The following ALDH8A1 variants were observed in gnomAD, a reference collection of about 807,000 sequenced individuals.
ALDH8A1 encodes aldehyde dehydrogenase 8 family member A1.
ALDH8A1 carries 39 observed loss-of-function variants against 43.3 expected under a neutral mutation model. The ratio of observed to expected loss-of-function variants is 0.90; its 90% CI spans 0.70 to 1.18. ALDH8A1 has a LOEUF of 1.18. Ranked by LOEUF, ALDH8A1 falls within the 50% of genes most tolerant of loss-of-function variation. The pLI is 0.00. For missense variants in ALDH8A1, 605 were observed against 622.6 expected (o/e 0.97, Z 0.30); for synonymous variants, 233 against 243.5 (o/e 0.96, Z 0.40).
rs1773909072 is a variant in ALDH8A1 at position 134,944,026 on chromosome 6, C to A, written c.139-60G>T. ...AAGCTGTTAGTCCTTGGGGGATGGA[C>A]AAAACCAGAATCCTCAGGTCTCCAC... On this transcript the variant is annotated intron_variant, in intron 1 of 6. Transcript: ENST00000265605. The A allele has an allele frequency of 5.2e-6, 8 of 1,546,186 alleles. No individual in the cohort carries two copies. In the South Asian group the frequency reaches 9.8e-5, roughly 19 times the overall value.
At position 134,929,064 on chromosome 6, in the gene ALDH8A1, T is replaced by C. The variant is rs778959002; in HGVS notation, c.1001A>G (p.His334Arg). The change falls in exon 6 of 7, where the codon CAT becomes CGT. Residue 334 changes from histidine to arginine, a missense_variant. Physicochemically the swap from His to Arg is conservative, Grantham distance 29. Transcript: ENST00000265605. ...CAGAAATTTACTTACTTTCTCCAAATGTGCTTTACTTATCAGAGCACCTAT... is the reference window on the plus strand; with the variant it reads ...CAGAAATTTACTTACTTTCTCCAAACGTGCTTTACTTATCAGAGCACCTAT... Reference protein sequence around the residue: ...VSIGALISKAHLEKVRSYVKR... With the variant: ...VSIGALISKARLEKVRSYVKR... 14 of 1,612,912 alleles carry C rather than the reference T, an allele frequency of 8.7e-6. No homozygotes were observed. In the South Asian group the frequency reaches 1.5e-4, roughly 18 times the overall value.
At chr6:134,944,024 G>C in intron 1 of ALDH8A1, 58 bp from the exon 2 acceptor site, 1 of 1,546,448 alleles carries the variant, frequency 6.5e-7, no homozygotes. Context: ...TTGGGGGATG[G>C]ACAAAACCAG....
At chr6:134,926,903 C>T (rs1776892870) in intron 6 of ALDH8A1, among the ~76,000 whole-genome samples, 2 of 152,090 alleles carry the variant, frequency 1.3e-5, no homozygotes, top group African/African-American at 2.4e-5. Flanking sequence ...CCACTTGTCA[C>T]ATAATAGGAA....
Position 134,949,896 on chromosome 6 carries a change from CT to C in ALDH8A1, c.138+19del. On this transcript the variant is annotated intron_variant, in intron 1 of 6. Transcript: ENST00000265605. ...AACATATTAAACACATTTCAGTCTT[CT>C]TTAAGTGCATATACTCACCTCGTCT... 2.6e-6 allele frequency: 4 copies of C among 1,547,564 alleles called. No homozygotes were observed. Among genetic ancestry groups the C allele is most frequent in the Non-Finnish European group, 3.5e-6 (4 of 1,145,410 alleles).
rs75569457 is a variant in ALDH8A1 at position 134,948,765 on chromosome 6, G to A, written c.138+1151C>T. Among the ~76,000 whole-genome samples the A allele has an allele frequency of 7.5e-3, 1,136 of 152,256 alleles. 18 individuals carry two copies. Among genetic ancestry groups the A allele is most frequent in the African/African-American group, 0.026 (1,078 of 41,542 alleles). On this transcript the variant is annotated intron_variant, in intron 1 of 6. Transcript: ENST00000265605. ...CATATCTATTACTCTACTAGCTAGCGCATCCATAGCTCATTCTATTTTCTA... is the reference window on the plus strand; with the variant it reads ...CATATCTATTACTCTACTAGCTAGCACATCCATAGCTCATTCTATTTTCTA...
Position 134,939,299 on chromosome 6 carries a change from C to G in ALDH8A1, c.559G>C (p.Ala187Pro), listed in dbSNP as rs138635600. Reference sequence around the variant, plus strand: ...TCCAGGAGTTTGCACAACATCCACGCAGTCACTGAAGTCAGCTCACTGGGC... The same window carrying G: ...TCCAGGAGTTTGCACAACATCCACGGAGTCACTGAAGTCAGCTCACTGGGC... ...AKPSELTSVT[A>P]WMLCKLLDKA... is the part of the protein sequence containing the mutation. Residue 187 changes from alanine to proline, a missense_variant, in exon 4 of 7, where the codon GCG (alanine) becomes CCG (proline). Physicochemically the swap from Ala to Pro is conservative, Grantham distance 27. Coordinates refer to ENST00000265605, the MANE Select transcript of ALDH8A1 (RefSeq NM_022568.4). 1.9e-6 allele frequency: 3 copies of G among 1,614,242 alleles called. No individual in the cohort carries two copies. Among genetic ancestry groups the G allele is most frequent in the Non-Finnish European group, 2.5e-6 (3 of 1,180,040 alleles).
chr6:134,923,339 T>TA (rs60780465), intron 6 of ALDH8A1, among the ~76,000 whole-genome samples: 6,274 of 148,200 alleles, frequency 0.042, 400 homozygotes, highest in African/African-American at 0.14. Context: ...GAAGGTTTAT[T>TA]AAAAAAAAAA....
intron 2 of ALDH8A1, 112 bp from the exon 3 acceptor site, chr6:134,942,676 G>C (rs1052789430): frequency 3.5e-5 from 39 of 1,099,146 alleles, no homozygotes; most frequent in Non-Finnish European, 4.2e-5. Flanking sequence ...ATTCCTTCTA[G>C]CCCGGGGCAG....
chr6:134,925,998 G>A lies in ALDH8A1; in HGVS notation c.1011+3056C>T, dbSNP rs60369937. On this transcript the variant is annotated intron_variant, in intron 6 of 6. Coordinates refer to ENST00000265605, the MANE Select transcript of ALDH8A1 (RefSeq NM_022568.4). ...GTATGCAGGAGTGGAATGAGGAAAG[G>A]GAAGGTCAAAGAGGTAATGGAACAG... is the stretch of plus-strand genomic sequence containing the variant. Among the ~76,000 whole-genome samples the A allele has an allele frequency of 8.2e-3, 1,249 of 152,186 alleles. 20 individuals are homozygous for A. The highest frequency in any genetic ancestry group is 0.029 in the African/African-American group (1,187 of 41,506).
In ALDH8A1 at chr6:134,943,850, C is replaced by T; in HGVS notation, c.255G>A (p.Glu85=). 6.2e-7 allele frequency: 1 copy of T among 1,614,232 alleles called. No individual in the cohort carries two copies. Among genetic ancestry groups the T allele is most frequent in the Non-Finnish European group, 8.5e-7 (1 of 1,180,028 alleles). ...CTTTAGACTCGGCCTGGGCAAACTC[C>T]TCCAGGGACTGCTCCAGCAAATCCG... ...QVADLLEQSL[E]EFAQAESKDQ... is the part of the protein sequence containing the mutation. The change falls in exon 2 of 7, where the codon GAG becomes GAA. Residue 85 remains glutamate, a synonymous_variant. Transcript: ENST00000265605.
At chr6:134,933,178 T>C (rs1485845830) in intron 4 of ALDH8A1, 146 bp from the exon 5 acceptor site, 4 of 916,088 alleles carry the variant, frequency 4.4e-6, no homozygotes, top group African/African-American at 3.4e-5. Flanking sequence ...ACTTGGAACT[T>C]CTATGGCTGC....
intron 4 of ALDH8A1, among the ~76,000 whole-genome samples, chr6:134,933,854 G>A (rs544831329): frequency 2.0e-5 from 3 of 152,180 alleles, no homozygotes; most frequent in East Asian, 3.9e-4. Context: ...GATTACAGGC[G>A]TGCACCATTA....
intron 6 of ALDH8A1, among the ~76,000 whole-genome samples, chr6:134,928,521 A>G (rs1190386113): frequency 1.3e-5 from 2 of 152,170 alleles, no homozygotes; most frequent in Non-Finnish European, 2.9e-5. Flanking sequence ...ATAACCCTAA[A>G]TTGCCATCAA....
At chr6:134,922,590 G>A (rs967146214) in intron 6 of ALDH8A1, among the ~76,000 whole-genome samples, 4 of 151,858 alleles carry the variant, frequency 2.6e-5, no homozygotes, top group South Asian at 4.1e-4. Flanking sequence ...GTTTCACCAC[G>A]TTGGCCAGGC....
chr6:134,945,889 G>A (rs546233395), intron 1 of ALDH8A1, among the ~76,000 whole-genome samples: 265 of 152,260 alleles, frequency 1.7e-3, no homozygotes, highest in South Asian at 5.8e-3. Flanking sequence ...TGTTGAGGGA[G>A]GAAAGTGATT....
intron 1 of ALDH8A1, among the ~76,000 whole-genome samples, chr6:134,944,392 AT>A (rs1773916660): frequency 6.6e-6 from 1 of 152,072 alleles, no homozygotes. Context: ...AATATTCAAC[AT>A]GTCCCAGTGC....
chr6:134,921,261 G>A (rs1776795633), intron 6 of ALDH8A1, among the ~76,000 whole-genome samples: 1 of 152,166 alleles, frequency 6.6e-6, no homozygotes, highest in Non-Finnish European at 1.5e-5. Flanking sequence ...GGCCCTAGCA[G>A]GGGATGCACC....
At chr6:134,931,727 A>G (rs910166530) in intron 5 of ALDH8A1, among the ~76,000 whole-genome samples, 2 of 152,242 alleles carry the variant, frequency 1.3e-5, no homozygotes, top group African/African-American at 4.8e-5. Context: ...GTAAAAGTAT[A>G]TTGTCTATTG....
Position 134,918,113 on chromosome 6 carries a change from C to T in ALDH8A1, c.*302G>A. ...GAAATAATCTGATTATCTGGAGATT[C>T]CCAAGAGTTCAATGAAGATGATGAA... On this transcript the variant is annotated 3_prime_UTR_variant, in exon 7 of 7. Coordinates refer to ENST00000265605, the MANE Select transcript of ALDH8A1 (RefSeq NM_022568.4). 2.7e-6 allele frequency: 1 copy of T among 367,370 alleles called. No individual in the cohort carries two copies. Among genetic ancestry groups the T allele is most frequent in the Non-Finnish European group, 4.9e-6 (1 of 203,784 alleles). 22.8% of individuals were successfully genotyped at this position (367,370 alleles called of 1,614,324 possible).
Sources: allele counts gnomAD v4.1 joint callset (sites outside exome capture counted in the v4.1 genomes callset), GRCh38; gene constraint gnomAD v4.1.1; transcripts MANE v1.5; gene names NCBI Gene and HGNC (gene_info 2026-07-23, HGNC 2026-07-21).